AP1G1: variants seen among roughly 807,000 people sequenced by gnomAD.
AP1G1 encodes AP-1 complex subunit gamma-1.
Under a neutral mutation model 108.3 loss-of-function variants are expected in AP1G1, and 7 were observed. The ratio of observed to expected loss-of-function variants is 0.06; its 90% CI spans 0.04 to 0.12. The LOEUF is 0.12. Ranked by LOEUF, AP1G1 falls within the 10% of genes least tolerant of loss-of-function variation. The pLI is 1.00. For missense variants in AP1G1, 756 were observed against 1,010.7 expected (o/e 0.75, Z 3.42); for synonymous variants, 379 against 353.5 (o/e 1.07, Z -0.81).
chr16:71,771,420 C>G (rs1432266915), intron 4 of AP1G1, among the ~76,000 whole-genome samples, 168 bp from the exon 5 acceptor site: 1 of 152,028 alleles, frequency 6.6e-6, no homozygotes, highest in African/African-American at 2.4e-5. Flanking sequence ...CAGTGATAGC[C>G]CACTCCTATA....
intron 22 of AP1G1, 182 bp downstream of exon 22, chr16:71,734,427 C>A: frequency 1.8e-6 from 1 of 551,576 alleles, no homozygotes; most frequent in Non-Finnish European, 3.2e-6. Flanking sequence ...TGCCACTAAG[C>A]CACCTGATGT....
chr16:71,771,319 A>G, intron 4 of AP1G1, 67 bp from the exon 5 acceptor site: 1 of 887,622 alleles, frequency 1.1e-6, no homozygotes, highest in Non-Finnish European at 1.7e-6. Context: ...AATCTTATTA[A>G]AAAACCACCA....
At chr16:71,793,669 T>G (rs1356641981) in intron 1 of AP1G1, among the ~76,000 whole-genome samples, 2 of 152,100 alleles carry the variant, frequency 1.3e-5, no homozygotes, top group Non-Finnish European at 2.9e-5. Context: ...AGTACCACAA[T>G]ATAGTTTTTG....
intron 1 of AP1G1, among the ~76,000 whole-genome samples, chr16:71,802,737 A>ATAAATAAATAATAAGATGTTTTTATTTAT: frequency 6.6e-6 from 1 of 151,592 alleles, no homozygotes; most frequent in East Asian, 2.0e-4. Context: ...CTCAAAAAAA[A>ATAAATAAATAATAAGATGTTTTTATTTAT]AATTCGTACA....
chr16:71,775,857 T>G (rs574921507), intron 2 of AP1G1, among the ~76,000 whole-genome samples: 2 of 152,380 alleles, frequency 1.3e-5, no homozygotes, highest in Admixed American at 6.5e-5. Context: ...TACATCATTG[T>G]TAGAAATAGC....
chr16:71,751,607 A>G (rs1480689633), intron 13 of AP1G1, among the ~76,000 whole-genome samples: 1 of 152,198 alleles, frequency 6.6e-6, no homozygotes, highest in African/African-American at 2.4e-5. Flanking sequence ...AATTTGCAGT[A>G]TAGTTTATTT....
At chr16:71,747,910 G>C (rs2145432807) in intron 16 of AP1G1, among the ~76,000 whole-genome samples, 1 of 152,280 alleles carries the variant, frequency 6.6e-6, no homozygotes, top group South Asian at 2.1e-4. Flanking sequence ...TTAAGCCCAG[G>C]AGTTCAAGGT....
intron 1 of AP1G1, among the ~76,000 whole-genome samples, chr16:71,804,541 G>A (rs2032930600): frequency 2.0e-5 from 3 of 151,612 alleles, no homozygotes; most frequent in Admixed American, 1.3e-4. Flanking sequence ...CTAAGTAGCT[G>A]GGAATGCAGG....
chr16:71,806,038 A>T (rs1338239335), intron 1 of AP1G1, among the ~76,000 whole-genome samples: 2 of 152,182 alleles, frequency 1.3e-5, no homozygotes, highest in Middle Eastern at 3.4e-3. Flanking sequence ...TAATAAAAAA[A>T]AAAAAAAAGA....
chr16:71,738,403 C>T (rs2045576684), intron 21 of AP1G1, among the ~76,000 whole-genome samples: 1 of 152,068 alleles, frequency 6.6e-6, no homozygotes, highest in South Asian at 2.1e-4. Flanking sequence ...TATCCTTAAA[C>T]TAAAATTTGG....
At chr16:71,802,236 TCA>T (rs1252112778) in intron 1 of AP1G1, among the ~76,000 whole-genome samples, 2 of 152,116 alleles carry the variant, frequency 1.3e-5, no homozygotes, top group Non-Finnish European at 2.9e-5. Flanking sequence ...GAAAAAGTGT[TCA>T]GTCTTAAAAG....
intron 1 of AP1G1, chr16:71,807,920 G>A (rs2033051586): frequency 4.7e-6 from 6 of 1,278,666 alleles, no homozygotes; most frequent in Non-Finnish European, 6.1e-6. Flanking sequence ...TCAGCACAGG[G>A]AGGGAATCCA....
intron 21 of AP1G1, among the ~76,000 whole-genome samples, chr16:71,736,131 T>A (rs868089686): frequency 0.029 from 2,710 of 93,088 alleles, 103 homozygotes; most frequent in African/African-American, 0.073. Context: ...TATATATATA[T>A]ATATATATAT....
chr16:71,798,279 T>C (rs1036679976), intron 1 of AP1G1, among the ~76,000 whole-genome samples: 1 of 152,068 alleles, frequency 6.6e-6, no homozygotes, highest in Non-Finnish European at 1.5e-5. Flanking sequence ...ACTGTGTCTC[T>C]ACACTGCCTC....
intron 6 of AP1G1, among the ~76,000 whole-genome samples, chr16:71,767,455 A>G (rs748655674): frequency 3.9e-5 from 6 of 152,248 alleles, no homozygotes; most frequent in Admixed American, 6.5e-5. Context: ...CTGAAAGCTC[A>G]GCAGTACATA....
intron 19 of AP1G1, chr16:71,743,339 C>G (rs1217810117): frequency 6.6e-6 from 1 of 152,114 alleles, no homozygotes; most frequent in East Asian, 1.9e-4. Flanking sequence ...GCTTAGCTAA[C>G]CATCCAACTT....
chr16:71,800,342 G>C (rs1362924866), intron 1 of AP1G1, among the ~76,000 whole-genome samples: 2 of 134,840 alleles, frequency 1.5e-5, no homozygotes, highest in Non-Finnish European at 3.1e-5. Context: ...CTGCACTCTA[G>C]CCTGGGTGAT....
intron 21 of AP1G1, among the ~76,000 whole-genome samples, chr16:71,735,580 T>C (rs1180934294): frequency 6.6e-6 from 1 of 151,286 alleles, no homozygotes; most frequent in Admixed American, 6.6e-5. Context: ...GAGAATCGCT[T>C]GAACCCAGGA....
In AP1G1 at chr16:71,734,602, T is replaced by C. The variant is rs770725305; in HGVS notation, c.2367+7A>G. On this transcript the variant is annotated splice_region_variant and intron_variant, in intron 22 of 22. Coordinates refer to ENST00000299980, the MANE Select transcript of AP1G1 (RefSeq NM_001128.6). ...GCTCAGATATTGGCTACAAATGTGCTACTCACCTTCTGAGGGTTCAGAACT... is the reference window on the plus strand; with the variant it reads ...GCTCAGATATTGGCTACAAATGTGCCACTCACCTTCTGAGGGTTCAGAACT... 1.9e-5 allele frequency: 31 copies of C among 1,599,066 alleles called. No homozygotes were observed. The highest frequency in any genetic ancestry group is 1.2e-4 in the Admixed American group (7 of 59,990).
Sources: gnomAD v4.1 joint callset for allele counts (sites outside exome capture counted in the v4.1 genomes callset) on GRCh38, gnomAD v4.1.1 for gene constraint, MANE v1.5 for transcripts, NCBI Gene and HGNC (gene_info 2026-07-23, HGNC 2026-07-21) for gene names.